SMARCC1: variants seen among roughly 807,000 people sequenced by gnomAD.
The protein encoded by SMARCC1 is SWI/SNF complex subunit SMARCC1.
A neutral mutation model predicts 147.4 loss-of-function variants in SMARCC1; 43 were observed. The observed-to-expected ratio is 0.29, with a 90% confidence interval of 0.23 to 0.38. The LOEUF is 0.38. Ranked by LOEUF, SMARCC1 falls within the 10% of genes least tolerant of loss-of-function variation. SMARCC1 has a pLI of 1.00. For missense variants in SMARCC1, 1,119 were observed against 1,381.1 expected (o/e 0.81, Z 3.01); for synonymous variants, 495 against 484.4 (o/e 1.02, Z -0.29).
At chr3:47,642,064 G>A (rs1372246735) in intron 21 of SMARCC1, among the ~76,000 whole-genome samples, 1 of 152,090 alleles carries the variant, frequency 6.6e-6, no homozygotes, top group South Asian at 2.1e-4. Context: ...GTGAGCTATC[G>A]CATCCATCCC....
rs577606695 is a variant in SMARCC1 at position 47,625,297 on chromosome 3, TTTTC to T, written c.2647-2960_2647-2957del. The stretch of plus-strand genomic sequence containing the variant: ...CAACATGGCAAAATCCCTTCTTTAT[TTTTC>T]TTTATTTTATTTTTACAATTTTAAA... On this transcript the variant is annotated intron_variant, in intron 24 of 27. Transcript: ENST00000254480. 1.2e-4 allele frequency among the ~76,000 whole-genome samples: 19 copies of T among 152,106 alleles called. 1 individual carries two copies. In the South Asian group the frequency reaches 2.7e-3, roughly 22 times the overall value.
chr3:47,610,072 G>T lies in SMARCC1; in HGVS notation c.3037C>A (p.Gln1013Lys), dbSNP rs1389422915. Reference protein sequence around the residue: ...HHQMPPPHPPQPGQIPGPGSM... With the variant: ...HHQMPPPHPPKPGQIPGPGSM... ...AGCAGGGCCTTCCTCTTACCTGGCT[G>T]GGGTGGATGAGGTGGTGGCATCTGG... Residue 1013 changes from glutamine (Q) to lysine (K), a missense_variant, in exon 26 of 28, where the codon CAG becomes AAG. Physicochemically the swap from Gln to Lys is moderately conservative, Grantham distance 53. Transcript: ENST00000254480. The T allele has an allele frequency of 1.2e-6, 2 of 1,612,198 alleles. No homozygotes were observed. The highest frequency in any genetic ancestry group is 2.7e-5 in the African/African-American group (2 of 74,888).
chr3:47,739,780 C>A (rs746363733), intron 3 of SMARCC1, among the ~76,000 whole-genome samples: 2 of 152,164 alleles, frequency 1.3e-5, no homozygotes, highest in Non-Finnish European at 2.9e-5. Context: ...ACTCTATAGC[C>A]TTTCCAGGCT....
intron 15 of SMARCC1, 197 bp downstream of exon 15, chr3:47,680,240 A>AC: frequency 2.1e-6 from 1 of 485,982 alleles, no homozygotes; most frequent in Non-Finnish European, 3.6e-6. Context: ...ACCAAAAAAA[A>AC]CCCCCCAAAA....
intron 2 of SMARCC1, among the ~76,000 whole-genome samples, chr3:47,751,319 G>C (rs2034626075): frequency 6.6e-6 from 1 of 152,060 alleles, no homozygotes; most frequent in Non-Finnish European, 1.5e-5. Flanking sequence ...AAGGCAGGCT[G>C]ATCACGAGGT....
intron 19 of SMARCC1, chr3:47,670,451 G>A: frequency 2.0e-6 from 1 of 508,102 alleles, no homozygotes; most frequent in Non-Finnish European, 3.5e-6. Flanking sequence ...CAGGCATGGT[G>A]GCACACGCCC....
At chr3:47,647,098 G>A (rs1274118631) in intron 21 of SMARCC1, among the ~76,000 whole-genome samples, 2 of 152,174 alleles carry the variant, frequency 1.3e-5, no homozygotes, top group Non-Finnish European at 2.9e-5. Context: ...TTTAGAGGCT[G>A]CATGATGCAC....
intron 14 of SMARCC1, among the ~76,000 whole-genome samples, chr3:47,685,319 A>G (rs2033706024): frequency 6.6e-6 from 1 of 152,204 alleles, no homozygotes; most frequent in African/African-American, 2.4e-5. Context: ...AGAATAACAC[A>G]CAACGGAAAA....
chr3:47,742,732 A>G (rs1194260293), intron 3 of SMARCC1, among the ~76,000 whole-genome samples: 3 of 152,164 alleles, frequency 2.0e-5, no homozygotes, highest in Admixed American at 1.3e-4. Context: ...ATAGGCATGC[A>G]CCACCACACC....
rs372997234 is a variant in SMARCC1, at chr3:47,720,228, A to G, written c.716+438T>C. Among the ~76,000 whole-genome samples, 6 of 151,978 alleles carry G rather than the reference A, an allele frequency of 3.9e-5. No homozygotes were observed. In the East Asian group the frequency reaches 9.7e-4, roughly 25 times the overall value. On this transcript the variant is annotated intron_variant, in intron 7 of 27. Coordinates refer to ENST00000254480, the MANE Select transcript of SMARCC1 (RefSeq NM_003074.4). Reference sequence around the variant, plus strand: ...AACCTCCACCTCCCGGGTTCAAGGGATTCTCCTGCCTTAGCTTCCTGAGTA... The same window carrying G: ...AACCTCCACCTCCCGGGTTCAAGGGGTTCTCCTGCCTTAGCTTCCTGAGTA...
intron 12 of SMARCC1, among the ~76,000 whole-genome samples, chr3:47,692,845 C>T (rs2033806632): frequency 6.6e-6 from 1 of 152,042 alleles, no homozygotes; most frequent in South Asian, 2.1e-4. Context: ...TGGTGAAACC[C>T]CGTCTCTACT....
intron 25 of SMARCC1, 77 bp from the exon 26 acceptor site, chr3:47,610,404 T>G (rs770754282): frequency 6.7e-6 from 10 of 1,493,970 alleles, no homozygotes; most frequent in Non-Finnish European, 9.3e-6. Flanking sequence ...GACAACTACA[T>G]AATGCCTGAA....
intron 12 of SMARCC1, among the ~76,000 whole-genome samples, chr3:47,690,351 A>C (rs2033775799): frequency 6.6e-6 from 1 of 152,202 alleles, no homozygotes; most frequent in Non-Finnish European, 1.5e-5. Context: ...CATATTAGAG[A>C]GGAAGTGGGT....
intron 26 of SMARCC1, among the ~76,000 whole-genome samples, chr3:47,593,368 C>A (rs181270032): frequency 6.6e-6 from 1 of 151,806 alleles, no homozygotes. Context: ...GACAGCGTTG[C>A]ACCATGTTGC....
intron 21 of SMARCC1, among the ~76,000 whole-genome samples, chr3:47,639,689 G>C (rs1180481137): frequency 6.6e-6 from 1 of 151,726 alleles, no homozygotes; most frequent in Non-Finnish European, 1.5e-5. Flanking sequence ...ACTCCGGCCT[G>C]GGAGACAGAG....
chr3:47,773,999 G>A (rs769491273), intron 1 of SMARCC1, among the ~76,000 whole-genome samples: 5 of 152,030 alleles, frequency 3.3e-5, no homozygotes, highest in African/African-American at 9.7e-5. Context: ...TCAGTTGGAC[G>A]AGAGAATTTT....
chr3:47,708,083 CTTTTT>C (rs915291740), intron 9 of SMARCC1, among the ~76,000 whole-genome samples: 67 of 64,262 alleles, frequency 1.0e-3, no homozygotes, highest in Admixed American at 4.2e-3. Flanking sequence ...AATTTTTTTT[CTTTTT>C]TTTTTTTTTT....
chr3:47,727,236 C>T (rs1295944378), intron 6 of SMARCC1, among the ~76,000 whole-genome samples: 1 of 147,566 alleles, frequency 6.8e-6, no homozygotes, highest in Admixed American at 6.8e-5. Context: ...TGGCCGGGCA[C>T]GGTGGCTAAC....
intron 26 of SMARCC1, among the ~76,000 whole-genome samples, chr3:47,593,549 C>G (rs2032221347): frequency 6.6e-6 from 1 of 152,048 alleles, no homozygotes; most frequent in South Asian, 2.1e-4. Context: ...TTCTTTAAAT[C>G]TAGGGACTTT....
Sources: allele counts gnomAD v4.1 joint callset (sites outside exome capture counted in the v4.1 genomes callset), GRCh38; gene constraint gnomAD v4.1.1; transcripts MANE v1.5; gene names NCBI Gene and HGNC (gene_info 2026-07-23, HGNC 2026-07-21).